RMST: variants seen among roughly 807,000 people sequenced by gnomAD.
The protein encoded by RMST is rhabdomyosarcoma 2 associated transcript, also known as long intergenic non-protein coding RNA 54.
intron 11 of RMST, among the ~76,000 whole-genome samples, chr12:97,537,575 T>C (rs2136610662): frequency 6.6e-6 from 1 of 151,522 alleles, no homozygotes; most frequent in Admixed American, 6.6e-5. Context: ...CTGAATTCAG[T>C]TTTGATTAGC....
At chr12:97,533,412 A>C (rs562940854) in intron 11 of RMST, 1 of 151,892 alleles carries the variant, frequency 6.6e-6, no homozygotes, top group African/African-American at 2.4e-5. Flanking sequence ...CAGTTTCTAA[A>C]AGTTGATTAT....
At chr12:97,481,773 CT>C (rs1370383433) in intron 5 of RMST, among the ~76,000 whole-genome samples, 1 of 152,118 alleles carries the variant, frequency 6.6e-6, no homozygotes, top group African/African-American at 2.4e-5. Flanking sequence ...TGGCCAGATT[CT>C]TTTTAGAATA....
intron 11 of RMST, among the ~76,000 whole-genome samples, chr12:97,554,077 C>A (rs1201911127): frequency 6.6e-6 from 1 of 151,620 alleles, no homozygotes; most frequent in Non-Finnish European, 1.5e-5. Context: ...GCCTCAGCCT[C>A]CCGATTAGCT....
At chr12:97,546,124 GGT>G (rs1232514613) in intron 11 of RMST, among the ~76,000 whole-genome samples, 1 of 151,938 alleles carries the variant, frequency 6.6e-6, no homozygotes, top group Non-Finnish European at 1.5e-5. Context: ...ATTTTTTTAT[GGT>G]ATATCCTAAA....
chr12:97,487,692 A>G (rs1876265020), intron 5 of RMST, among the ~76,000 whole-genome samples: 1 of 152,162 alleles, frequency 6.6e-6, no homozygotes, highest in African/African-American at 2.4e-5. Flanking sequence ...TGAACATCAG[A>G]TAACTTCCCC....
At chr12:97,522,553 G>T (rs1880621938) in intron 10 of RMST, among the ~76,000 whole-genome samples, 1 of 152,120 alleles carries the variant, frequency 6.6e-6, no homozygotes, top group Non-Finnish European at 1.5e-5. Context: ...AAATTTCAGA[G>T]ACTCAACCTT....
At chr12:97,485,722 C>T (rs936087205) in intron 5 of RMST, among the ~76,000 whole-genome samples, 1 of 152,194 alleles carries the variant, frequency 6.6e-6, no homozygotes, top group African/African-American at 2.4e-5. Context: ...AGCCACATAG[C>T]TAATAAGTGG....
intron 10 of RMST, among the ~76,000 whole-genome samples, chr12:97,505,275 T>A (rs1439481354): frequency 6.6e-6 from 1 of 152,224 alleles, no homozygotes; most frequent in Non-Finnish European, 1.5e-5. Flanking sequence ...CAGTTCTGAT[T>A]TAAGAAAGTC....
intron 13 of RMST, chr12:97,563,768 T>G (rs1208549895): frequency 6.3e-6 from 3 of 476,260 alleles, no homozygotes; most frequent in Admixed American, 2.3e-5. Context: ...AGCTTTGAAA[T>G]GGTTGTGAAG....
chr12:97,468,313 T>C (rs1315267709), intron 5 of RMST, among the ~76,000 whole-genome samples: 16 of 152,062 alleles, frequency 1.1e-4, no homozygotes, highest in Non-Finnish European at 8.8e-5. Context: ...ATGAACATTG[T>C]ATTTGCTTAA....
intron 10 of RMST, among the ~76,000 whole-genome samples, chr12:97,529,635 G>A (rs1448251594): frequency 6.6e-6 from 1 of 151,932 alleles, no homozygotes; most frequent in Non-Finnish European, 1.5e-5. Flanking sequence ...GTAATTCTTT[G>A]GTAAAAATTG....
At chr12:97,485,624 A>G (rs1019304084) in intron 5 of RMST, among the ~76,000 whole-genome samples, 7 of 152,178 alleles carry the variant, frequency 4.6e-5, no homozygotes, top group African/African-American at 1.4e-4. Context: ...TGTCACATAC[A>G]TTATTTTATT....
intron 11 of RMST, among the ~76,000 whole-genome samples, chr12:97,534,380 C>T (rs889538544): frequency 1.3e-5 from 2 of 151,482 alleles, no homozygotes; most frequent in African/African-American, 2.4e-5. Flanking sequence ...CTTATTTTAC[C>T]TCTTAACAGA....
In RMST at chr12:97,550,522, A is replaced by G. The variant is rs1008403743; in HGVS notation, n.1546-10015A>G. Among the ~76,000 whole-genome samples, 85 of 152,332 alleles carry G rather than the reference A, an allele frequency of 5.6e-4. 1 individual carries two copies. The highest frequency in any genetic ancestry group is 2.0e-3 in the African/African-American group (82 of 41,580). On this transcript the variant is annotated intron_variant and non_coding_transcript_variant, in intron 11 of 13. Coordinates refer to ENST00000640149, the Ensembl canonical transcript of RMST. ...CTTGCTGAGGGAATTCACCTGTGTC[A>G]GGTAATTTAAGATGTAGTTAGCAAA...
intron 5 of RMST, among the ~76,000 whole-genome samples, chr12:97,484,798 A>G (rs895904354): frequency 6.6e-6 from 1 of 152,226 alleles, no homozygotes; most frequent in Non-Finnish European, 1.5e-5. Flanking sequence ...CTCTAGTGCC[A>G]TATAATTTAC....
At chr12:97,512,973 G>A (rs1879551349) in intron 10 of RMST, among the ~76,000 whole-genome samples, 1 of 152,254 alleles carries the variant, frequency 6.6e-6, no homozygotes, top group Non-Finnish European at 1.5e-5. Flanking sequence ...GAGCACAGCA[G>A]CTGCTAGCCC....
chr12:97,540,390 T>C (rs918851250), intron 11 of RMST, among the ~76,000 whole-genome samples: 7 of 151,792 alleles, frequency 4.6e-5, no homozygotes, highest in Non-Finnish European at 1.0e-4. Context: ...TTGAAAAAGA[T>C]GTATATTTTT....
At chr12:97,490,836 G>T (rs1234135692) in intron 5 of RMST, among the ~76,000 whole-genome samples, 1 of 152,168 alleles carries the variant, frequency 6.6e-6, no homozygotes, top group Non-Finnish European at 1.5e-5. Context: ...TTGGAAGTTT[G>T]CACCCAGCGA....
rs140108889 is a variant in RMST at position 97,553,909 on chromosome 12, T to C, written n.1546-6628T>C. Among the ~76,000 whole-genome samples the C allele has an allele frequency of 6.4e-4, 97 of 151,722 alleles. 1 individual carries two copies. In the East Asian group the frequency reaches 0.018, roughly 28 times the overall value. Reference sequence around the variant, plus strand: ...GATATATTTGCATAGTATACACACATAGTAAATGCTCAACTAATGGTGATT... The same window carrying C: ...GATATATTTGCATAGTATACACACACAGTAAATGCTCAACTAATGGTGATT... On this transcript the variant is annotated intron_variant and non_coding_transcript_variant, in intron 11 of 13. Coordinates refer to ENST00000640149, the Ensembl canonical transcript of RMST.
Sources: gnomAD v4.1 joint callset for allele counts (sites outside exome capture counted in the v4.1 genomes callset) on GRCh38, gnomAD v4.1.1 for gene constraint, MANE v1.5 for transcripts, NCBI Gene and HGNC (gene_info 2026-07-23, HGNC 2026-07-21) for gene names.